JPH3: variants seen among roughly 807,000 people sequenced by gnomAD.
The protein encoded by JPH3 is junctophilin 3, also known as junctophilin-3.
In JPH3, 11 loss-of-function variants were observed where a neutral mutation model predicts 59.6. The ratio of observed to expected loss-of-function variants is 0.18; its 90% CI spans 0.12 to 0.31. The LOEUF (loss-of-function observed/expected upper bound fraction) is 0.31. Among genes scored for constraint, JPH3 ranks in the 10% least tolerant of loss-of-function variants. The probability of loss-of-function intolerance (pLI) is 1.00; values close to 1 mark genes in which losing one functional copy is unlikely to be tolerated. For missense variants in JPH3, 1,202 were observed against 1,105.7 expected (o/e 1.09, Z -1.24); for synonymous variants, 673 against 483.6 (o/e 1.39, Z -5.14).
chr16:87,637,876 T>C (rs1164457992), intron 1 of JPH3, among the ~76,000 whole-genome samples: 12 of 152,256 alleles, frequency 7.9e-5, no homozygotes, highest in African/African-American at 2.6e-4. Context: ...CTGCTGGTGT[T>C]CTGTGTTGTC....
chr16:87,697,503 G>C lies in JPH3; in HGVS notation c.*843G>C, dbSNP rs2142861224. 1 of 152,510 alleles carries C rather than the reference G, an allele frequency of 6.6e-6. No homozygotes were observed. Among genetic ancestry groups the C allele is most frequent in the Middle Eastern group, 3.4e-3 (1 of 292 alleles). The allele number at this position is 152,510 out of a possible 1,614,324, so 9.4% of individuals were successfully genotyped here. A position where few individuals can be genotyped will look rare whatever the true frequency, so the allele number is the denominator to read the frequency against. On this transcript the variant is annotated 3_prime_UTR_variant, in exon 5 of 5. Coordinates refer to ENST00000284262, the MANE Select transcript of JPH3 (RefSeq NM_020655.4). ...GAGCTGGGCTCGCGCCGGGGCTCTG[G>C]GTGTGTGCGCTTGGCGTGCAGGGTG...
At chr16:87,673,885 C>T (rs2033078698) in intron 2 of JPH3, among the ~76,000 whole-genome samples, 1 of 151,702 alleles carries the variant, frequency 6.6e-6, no homozygotes, top group African/African-American at 2.4e-5. Flanking sequence ...GAGATTGTGC[C>T]ACTGTACTCC....
chr16:87,656,166 A>G (rs150801473), intron 2 of JPH3, among the ~76,000 whole-genome samples: 2 of 152,322 alleles, frequency 1.3e-5, no homozygotes, highest in East Asian at 3.9e-4. Flanking sequence ...CTGCCCGCCT[A>G]TCTCAGAGCA....
At chr16:87,677,226 A>ACACACACACACACAC (rs1491554199) in intron 2 of JPH3, among the ~76,000 whole-genome samples, 38 of 88,090 alleles carry the variant, frequency 4.3e-4, no homozygotes, top group Middle Eastern at 0.013. Flanking sequence ...ACACACACAC[A>ACACACACACACACAC]AAAAAAAAAA....
intron 1 of JPH3, among the ~76,000 whole-genome samples, chr16:87,613,080 C>T (rs1040924337): frequency 1.3e-4 from 19 of 147,206 alleles, no homozygotes; most frequent in Admixed American, 5.4e-4. Flanking sequence ...ACAATACCTA[C>T]GTTTCTTTCT....
chr16:87,640,897 A>T (rs2031927566), intron 1 of JPH3, among the ~76,000 whole-genome samples: 1 of 152,052 alleles, frequency 6.6e-6, no homozygotes, highest in African/African-American at 2.4e-5. Flanking sequence ...TCCAGCTTGG[A>T]CTGGCCATGG....
chr16:87,649,628 C>G (rs1946985979), intron 2 of JPH3, among the ~76,000 whole-genome samples: 1 of 152,206 alleles, frequency 6.6e-6, no homozygotes, highest in African/African-American at 2.4e-5. Flanking sequence ...ACAACTCTCA[C>G]AGCCCCCTCA....
intron 2 of JPH3, among the ~76,000 whole-genome samples, chr16:87,659,385 A>AAAAAAAAAAAAAAAAAAC (rs2032624224): frequency 2.5e-5 from 3 of 118,304 alleles, no homozygotes; most frequent in Non-Finnish European, 5.9e-5. Context: ...AAAAAAAAAA[A>AAAAAAAAAAAAAAAAAAC]AGAAAAAAAA....
chr16:87,616,998 G>T (rs1318127199), intron 1 of JPH3, among the ~76,000 whole-genome samples: 1 of 152,192 alleles, frequency 6.6e-6, no homozygotes, highest in Non-Finnish European at 1.5e-5. Context: ...GCCTAGGCGG[G>T]TGGGTCACCT....
intron 1 of JPH3, among the ~76,000 whole-genome samples, chr16:87,613,229 T>C (rs1280646215): frequency 1.3e-5 from 2 of 150,842 alleles, no homozygotes; most frequent in African/African-American, 4.9e-5. Context: ...CCCGAGTAGC[T>C]GGGACTACAG....
chr16:87,689,648 C>T lies in JPH3; in HGVS notation c.1288C>T (p.Leu430=), dbSNP rs1422914845. 1.2e-5 allele frequency: 20 copies of T among 1,611,430 alleles called. No individual in the cohort carries two copies. The highest frequency in any genetic ancestry group is 1.4e-5 in the Non-Finnish European group (16 of 1,179,366). ...CGTCGTCTTGTGTCCCCATACAGGG[C>T]TGGAGTACCAGAGGCCGAAGCGTCA... ...SPSFQHRENG[L]EYQRPKRQTS... The change falls in exon 4 of 5, where the codon CTG becomes TTG. Residue 430 remains leucine (L), a splice_region_variant and synonymous_variant. Transcript: ENST00000284262.
At chr16:87,604,499 C>G in intron 1 of JPH3, 1 of 1,317,748 alleles carries the variant, frequency 7.6e-7, no homozygotes, top group Non-Finnish European at 9.9e-7. Context: ...CATGTGGGAG[C>G]TTATCCTCAG....
intron 4 of JPH3, among the ~76,000 whole-genome samples, chr16:87,691,014 G>A (rs940442692): frequency 6.6e-6 from 1 of 152,144 alleles, no homozygotes; most frequent in Non-Finnish European, 1.5e-5. Flanking sequence ...CTCACCCATG[G>A]GGGGTGTTGG....
At chr16:87,614,524 A>G (rs1470470322) in intron 1 of JPH3, among the ~76,000 whole-genome samples, 1 of 148,024 alleles carries the variant, frequency 6.8e-6, no homozygotes, top group Admixed American at 6.8e-5. Flanking sequence ...AGGTCCATGC[A>G]CACAGGAGGA....
At chr16:87,605,519 AC>A (rs1270154609) in intron 1 of JPH3, among the ~76,000 whole-genome samples, 1 of 152,202 alleles carries the variant, frequency 6.6e-6, no homozygotes, top group Non-Finnish European at 1.5e-5. Context: ...TTATGTTGTG[AC>A]TTTTTAGGGA....
At chr16:87,659,638 CAGG>C (rs1238283449) in intron 2 of JPH3, among the ~76,000 whole-genome samples, 8 of 151,796 alleles carry the variant, frequency 5.3e-5, no homozygotes, top group Non-Finnish European at 1.5e-5. Flanking sequence ...GAGGTTGAGG[CAGG>C]AGAATTGCTT....
chr16:87,667,471 GAC>G (rs1172509322), intron 2 of JPH3, among the ~76,000 whole-genome samples: 3 of 152,212 alleles, frequency 2.0e-5, no homozygotes, highest in African/African-American at 4.8e-5. Context: ...TGTTCAGAAA[GAC>G]AGAAGGAACT....
At chr16:87,692,425 C>T (rs1415185345) in intron 4 of JPH3, among the ~76,000 whole-genome samples, 1 of 152,222 alleles carries the variant, frequency 6.6e-6, no homozygotes, top group Non-Finnish European at 1.5e-5. Flanking sequence ...GTGCCACCCC[C>T]TCACAGGGGT....
At chr16:87,652,370 A>AT (rs1173633333) in intron 2 of JPH3, among the ~76,000 whole-genome samples, 1 of 152,254 alleles carries the variant, frequency 6.6e-6, no homozygotes, top group Non-Finnish European at 1.5e-5. Context: ...TATTGTTCAC[A>AT]TTTTTTAGCA....
Sources: allele counts gnomAD v4.1 joint callset (sites outside exome capture counted in the v4.1 genomes callset), GRCh38; gene constraint gnomAD v4.1.1; transcripts MANE v1.5; gene names NCBI Gene and HGNC (gene_info 2026-07-23, HGNC 2026-07-21).